The following ALMS1 variants were observed in gnomAD, a reference collection of about 807,000 sequenced individuals.
ALMS1 encodes ALMS1 centrosome and basal body associated protein.
ALMS1 carries 271 observed loss-of-function variants against 352.2 expected under a neutral mutation model. That is an observed-to-expected ratio of 0.77 (90% CI 0.70 to 0.85). ALMS1 has a LOEUF of 0.85. ALMS1 is among the 40% of genes least tolerant of loss of function. ALMS1 has a pLI of 0.00. For missense variants in ALMS1, 5,445 were observed against 4,870.7 expected, an observed-to-expected ratio of 1.12 and a Z score of -3.51; for synonymous variants, 1,865 against 1,761.2, an observed-to-expected ratio of 1.06 and a Z score of -1.48.
Position 73,490,140 on chromosome 2 carries a change from C to A in ALMS1, c.8181C>A (p.Ser2727=). ...CTCACCGACATTCTAAATGCATTTC[C>A]AATTCCTCTGTTGTTAAGGTTGGTG... The part of the protein sequence containing the change: ...FSSHRHSKCI[S]NSSVVKVGVT... Residue 2727 remains serine (S), a synonymous_variant, in exon 10 of 23, where the codon TCC becomes TCA. Coordinates refer to ENST00000613296, the MANE Select transcript of ALMS1 (RefSeq NM_001378454.1). The A allele has an allele frequency of 6.2e-7, 1 of 1,614,144 alleles. No homozygotes were observed. The highest frequency in any genetic ancestry group is 8.5e-7 in the Non-Finnish European group (1 of 1,180,026).
chr2:73,453,518 T>G lies in ALMS1; in HGVS notation c.6991T>G (p.Cys2331Gly). The change falls in exon 8 of 23, where the codon TGC becomes GGC. Residue 2331 changes from cysteine to glycine, a missense_variant. By Grantham distance (159) the Cys-to-Gly change is radical. Coordinates refer to ENST00000613296, the MANE Select transcript of ALMS1 (RefSeq NM_001378454.1). ...CACAGAGGAAAGCCCAAGCAGCAGGTGCATACAGAAGGATATTGGCACACA... is the reference window on the plus strand; with the variant it reads ...CACAGAGGAAAGCCCAAGCAGCAGGGGCATACAGAAGGATATTGGCACACA... ...PFTEESPSSR[C>G]IQKDIGTQTN... The G allele has an allele frequency of 6.2e-7, 1 of 1,613,608 alleles. No homozygotes were observed. Among genetic ancestry groups the G allele is most frequent in the Non-Finnish European group, 8.5e-7 (1 of 1,179,946 alleles).
At chr2:73,387,933 C>A (rs368959750) in intron 1 of ALMS1, among the ~76,000 whole-genome samples, 1 of 152,102 alleles carries the variant, frequency 6.6e-6, no homozygotes, top group Non-Finnish European at 1.5e-5. Context: ...TACTTAATAA[C>A]GGATGGGATG....
intron 9 of ALMS1, among the ~76,000 whole-genome samples, chr2:73,487,398 A>C (rs1189778242): frequency 6.6e-6 from 1 of 152,116 alleles, no homozygotes; most frequent in Non-Finnish European, 1.5e-5. Flanking sequence ...GACCAGATGT[A>C]CTGTGCGTGG....
chr2:73,530,152 C>G lies in ALMS1; in HGVS notation c.9782-4672C>G, dbSNP rs940786486. 8.5e-5 allele frequency among the ~76,000 whole-genome samples: 13 copies of G among 152,164 alleles called. No individual in the cohort carries two copies. The South Asian group carries it at 2.3e-3, about 27-fold the overall frequency. ...AATAGTCCCCCAGAATCAACTCATT[C>G]TAGCATTAACCCAAAAGTCCAAGTC... is the stretch of plus-strand genomic sequence containing the variant. On this transcript the variant is annotated intron_variant, in intron 11 of 22. Transcript: ENST00000613296.
intron 9 of ALMS1, among the ~76,000 whole-genome samples, chr2:73,481,492 G>A (rs1672702745): frequency 1.3e-5 from 2 of 152,164 alleles, no homozygotes; most frequent in African/African-American, 4.8e-5. Context: ...TTGTAGTATA[G>A]TTTGAAGTCA....
intron 10 of ALMS1, among the ~76,000 whole-genome samples, chr2:73,504,535 A>G (rs781510776): frequency 6.6e-6 from 1 of 152,186 alleles, no homozygotes; most frequent in Non-Finnish European, 1.5e-5. Context: ...GGAACATAAC[A>G]TGTAAACTTT....
chr2:73,508,936 T>C (rs1446390756), intron 10 of ALMS1, among the ~76,000 whole-genome samples: 1 of 152,238 alleles, frequency 6.6e-6, no homozygotes, highest in Non-Finnish European at 1.5e-5. Flanking sequence ...TTAGGATAGT[T>C]AGCTCTTCTT....
At position 73,608,535 on chromosome 2, in the gene ALMS1, A is replaced by G. The variant is rs2104216319; in HGVS notation, c.12423A>G (p.Glu4141=). ...KKREEEKRKS[E]YKSYRLRAQL... Reference sequence around the variant, plus strand: ...GAGAAGAAGAGAAGAGAAAATCAGAATATAAGTCATACCGGCTGCGAGCCC... The same window carrying G: ...GAGAAGAAGAGAAGAGAAAATCAGAGTATAAGTCATACCGGCTGCGAGCCC... The change falls in exon 22 of 23, where the codon GAA becomes GAG. Residue 4141 remains glutamate, a synonymous_variant. Transcript: ENST00000613296. The G allele has an allele frequency of 6.2e-7, 1 of 1,614,152 alleles. No individual in the cohort carries two copies. Among genetic ancestry groups the G allele is most frequent in the Non-Finnish European group, 8.5e-7 (1 of 1,180,014 alleles).
At chr2:73,556,469 G>A (rs1361841749) in intron 13 of ALMS1, among the ~76,000 whole-genome samples, 2 of 152,032 alleles carry the variant, frequency 1.3e-5, no homozygotes, top group Non-Finnish European at 2.9e-5. Context: ...TTAAAAAATT[G>A]TATGAGAATG....
At chr2:73,608,385 G>T (rs1044623097) in intron 21 of ALMS1, 90 bp from the exon 22 acceptor site, 5 of 1,003,364 alleles carry the variant, frequency 5.0e-6, no homozygotes, top group Non-Finnish European at 7.9e-6. Flanking sequence ...AGAGTGGGAG[G>T]TATAGGGAGG....
rs751246691 is a variant in ALMS1, at chr2:73,493,052, G to A, written c.9539+1554G>A. Among the ~76,000 whole-genome samples, 47 of 151,864 alleles carry A rather than the reference G, an allele frequency of 3.1e-4. 1 individual carries two copies. The highest frequency in any genetic ancestry group is 6.2e-4 in the Non-Finnish European group (42 of 68,004). The stretch of plus-strand genomic sequence containing the variant: ...AACTCTTCAAAGGTTAAATGCTAAG[G>A]TATTGTACTGAATACCTTAAAAATG... On this transcript the variant is annotated intron_variant, in intron 10 of 22. Coordinates refer to ENST00000613296, the MANE Select transcript of ALMS1 (RefSeq NM_001378454.1).
intron 10 of ALMS1, among the ~76,000 whole-genome samples, chr2:73,507,029 A>G (rs1225019907): frequency 6.6e-6 from 1 of 152,098 alleles, no homozygotes; most frequent in Non-Finnish European, 1.5e-5. Context: ...GCATCTATTG[A>G]GATAATCATG....
chr2:73,458,782 G>C (rs1672126521), intron 9 of ALMS1: 1 of 152,292 alleles, frequency 6.6e-6, no homozygotes, highest in South Asian at 2.1e-4. Context: ...AAAGGGAGAA[G>C]ACTAGATTGT....
In ALMS1 at chr2:73,395,056, ATGTG is replaced by A. The variant is rs796819600; in HGVS notation, c.324+8866_324+8869del. Among the ~76,000 whole-genome samples, 672 of 100,706 alleles carry A rather than the reference ATGTG, an allele frequency of 6.7e-3. 9 individuals carry two copies. The highest frequency in any genetic ancestry group is 9.3e-3 in the Non-Finnish European group (523 of 56,284). The allele number at this position is 100,706 out of a possible 152,430, so 66.1% of individuals were successfully genotyped here. A position where few individuals can be genotyped will look rare whatever the true frequency, so the allele number is the denominator to read the frequency against. ...TATATATGTGTGTGTATATATATAT[ATGTG>A]TATATATATATATATATATTTTTTT... On this transcript the variant is annotated intron_variant, in intron 1 of 22. Coordinates refer to ENST00000613296, the MANE Select transcript of ALMS1 (RefSeq NM_001378454.1).
rs1449360591 is a variant in ALMS1 at position 73,609,842 on chromosome 2, TATG to T, written c.*233_*235del. 1.9e-6 allele frequency: 1 copy of T among 530,642 alleles called. No homozygotes were observed. The allele number at this position is 530,642 out of a possible 1,614,324, so 32.9% of individuals were successfully genotyped here. A position where few individuals can be genotyped will look rare whatever the true frequency, so the allele number is the denominator to read the frequency against. On this transcript the variant is annotated 3_prime_UTR_variant, in exon 23 of 23. Coordinates refer to ENST00000613296, the MANE Select transcript of ALMS1 (RefSeq NM_001378454.1). Reference sequence around the variant, plus strand: ...TCCAATGGCCTGTGTGTTACAATGATATGATCATTTCTCAAGAATAAGTCCCTT... The same window carrying T: ...TCCAATGGCCTGTGTGTTACAATGATATCATTTCTCAAGAATAAGTCCCTT...
chr2:73,519,716 A>G, intron 10 of ALMS1, 59 bp from the exon 11 acceptor site: 2 of 1,595,736 alleles, frequency 1.3e-6, no homozygotes, highest in Non-Finnish European at 8.6e-7. Context: ...TTGGAAAGAG[A>G]TTTCAGTCTC....
At chr2:73,400,338 A>G (rs1670850217) in intron 1 of ALMS1, among the ~76,000 whole-genome samples, 1 of 152,150 alleles carries the variant, frequency 6.6e-6, no homozygotes, top group Non-Finnish European at 1.5e-5. Context: ...GTTAAATTTG[A>G]TTTGCTAATA....
intron 2 of ALMS1, among the ~76,000 whole-genome samples, chr2:73,414,489 G>GTTTTTTTTTTTTTT (rs11395837): frequency 3.2e-5 from 3 of 94,248 alleles, no homozygotes; most frequent in African/African-American, 9.0e-5. Context: ...TTTTTTTTTT[G>GTTTTTTTTTTTTTT]TTTTTTTTTT....
At chr2:73,531,443 G>A (rs994509611) in intron 11 of ALMS1, among the ~76,000 whole-genome samples, 4 of 152,154 alleles carry the variant, frequency 2.6e-5, no homozygotes, top group African/African-American at 9.7e-5. Context: ...CTCCATCTGA[G>A]ACTACCTCAA....
Sources: gnomAD v4.1 joint callset for allele counts (sites outside exome capture counted in the v4.1 genomes callset) on GRCh38, gnomAD v4.1.1 for gene constraint, MANE v1.5 for transcripts, NCBI Gene and HGNC (gene_info 2026-07-23, HGNC 2026-07-21) for gene names.